The following EPS15 variants were observed in gnomAD, a reference collection of about 807,000 sequenced individuals.
The protein encoded by EPS15 is epidermal growth factor receptor pathway substrate 15.
Under a neutral mutation model 113.8 loss-of-function variants are expected in EPS15, and 72 were observed. That is an observed-to-expected ratio of 0.63 (90% CI 0.52 to 0.77). The LOEUF (loss-of-function observed/expected upper bound fraction) is 0.77. Ranked by LOEUF, EPS15 falls within the 30% of genes least tolerant of loss-of-function variation. The pLI is 0.00. For missense variants in EPS15, 1,048 were observed against 1,045.8 expected, an observed-to-expected ratio of 1.00 and a Z score of -0.03; for synonymous variants, 344 against 363.4, an observed-to-expected ratio of 0.95 and a Z score of 0.61.
chr1:51,385,818 T>G (rs551747407), intron 21 of EPS15, among the ~76,000 whole-genome samples: 2 of 152,276 alleles, frequency 1.3e-5, no homozygotes, highest in Non-Finnish European at 2.9e-5. Flanking sequence ...TGAATTTTTT[T>G]TATGATTCCA....
At chr1:51,370,707 G>A (rs1001166315) in intron 21 of EPS15, among the ~76,000 whole-genome samples, 4 of 149,732 alleles carry the variant, frequency 2.7e-5, no homozygotes, top group Non-Finnish European at 5.9e-5. Flanking sequence ...CGAAACCTCC[G>A]CCTCTTGGGT....
chr1:51,381,057 A>C (rs1646929213), intron 21 of EPS15, among the ~76,000 whole-genome samples: 1 of 152,220 alleles, frequency 6.6e-6, no homozygotes, highest in Non-Finnish European at 1.5e-5. Context: ...ACAGAACTGA[A>C]GGGAGAAACA....
intron 1 of EPS15, among the ~76,000 whole-genome samples, chr1:51,502,763 G>A (rs1272750743): frequency 6.6e-6 from 1 of 152,142 alleles, no homozygotes; most frequent in Non-Finnish European, 1.5e-5. Flanking sequence ...ACAGCACTTT[G>A]GGAGGCTAAG....
chr1:51,480,006 A>C (rs1197213425), intron 2 of EPS15, among the ~76,000 whole-genome samples: 1 of 152,222 alleles, frequency 6.6e-6, no homozygotes, highest in African/African-American at 2.4e-5. Context: ...AGAATTTCTA[A>C]GGTTTGGAGC....
chr1:51,513,781 CCT>C (rs1406442061), intron 1 of EPS15, among the ~76,000 whole-genome samples: 1 of 152,154 alleles, frequency 6.6e-6, no homozygotes, highest in African/African-American at 2.4e-5. Context: ...ATAAATTAGT[CCT>C]CTAACTGAAT....
At chr1:51,414,691 C>T (rs1460331418) in intron 13 of EPS15, among the ~76,000 whole-genome samples, 1 of 152,088 alleles carries the variant, frequency 6.6e-6, no homozygotes, top group Non-Finnish European at 1.5e-5. Flanking sequence ...CTTCATGTCT[C>T]TAATAATATC....
Position 51,468,474 on chromosome 1 carries a change from A to C in EPS15, c.308T>G (p.Phe103Cys), listed in dbSNP as rs1655008492. The C allele has an allele frequency of 6.3e-7, 1 of 1,593,402 alleles. No homozygotes were observed. The highest frequency in any genetic ancestry group is 1.1e-5 in the South Asian group (1 of 90,614). ...SLNLAVPPPR[F>C]HDTSSPLLIS... is the part of the protein sequence containing the mutation. ...TTTAAATCTAAAAGCATTTCTTACA[A>C]ATCTTGGTGGAGGAACAGCCAGGTT... The change falls in exon 5 of 25, where the codon TTT (phenylalanine) becomes TGT (cysteine). Residue 103 changes from phenylalanine to cysteine, a missense_variant and splice_region_variant. Physicochemically the swap from Phe to Cys is radical, Grantham distance 205. Transcript: ENST00000371733.
chr1:51,488,494 A>AAC (rs1402603344), intron 1 of EPS15, among the ~76,000 whole-genome samples: 4 of 151,454 alleles, frequency 2.6e-5, no homozygotes, highest in African/African-American at 9.7e-5. Context: ...AAAAAAAAAA[A>AAC]AACTCAGACT....
intron 1 of EPS15, among the ~76,000 whole-genome samples, chr1:51,510,333 T>C (rs551708848): frequency 6.6e-6 from 1 of 152,168 alleles, no homozygotes; most frequent in Non-Finnish European, 1.5e-5. Context: ...GCATAGCAAA[T>C]GTACTTGGAG....
chr1:51,391,501 T>C (rs961758195), intron 21 of EPS15, among the ~76,000 whole-genome samples: 18 of 140,888 alleles, frequency 1.3e-4, no homozygotes, highest in Non-Finnish European at 1.3e-4. Context: ...AATAAAAGAT[T>C]TGTCAGAGGT....
intron 11 of EPS15, among the ~76,000 whole-genome samples, chr1:51,443,573 A>G (rs1041339951): frequency 2.0e-5 from 3 of 152,126 alleles, no homozygotes; most frequent in Non-Finnish European, 2.9e-5. Flanking sequence ...AAAAACTTCT[A>G]TAAGTAACTC....
chr1:51,407,383 G>C (rs1649229451), intron 15 of EPS15, among the ~76,000 whole-genome samples: 4 of 151,902 alleles, frequency 2.6e-5, no homozygotes, highest in Admixed American at 2.6e-4. Context: ...CCTTTTAGTA[G>C]AAACAGAGTT....
intron 1 of EPS15, among the ~76,000 whole-genome samples, chr1:51,487,754 C>A (rs1165172490): frequency 6.6e-6 from 1 of 152,132 alleles, no homozygotes; most frequent in Non-Finnish European, 1.5e-5. Context: ...TATTAGCTCA[C>A]CAAAGTGTTC....
Position 51,465,294 on chromosome 1 carries a change from T to C in EPS15, c.342A>G (p.Gly114=), listed in dbSNP as rs1255447743. Residue 114 remains glycine, a synonymous_variant, in exon 6 of 25, where the codon GGA becomes GGG. Transcript: ENST00000371733. The part of the protein sequence containing the change: ...HDTSSPLLIS[G]TSAAELPWAV... ...CCCATGGGAGCTCAGCTGCAGAGGT[T>C]CCACTGATTAGCAAAGGACTACTGG... 6.2e-7 allele frequency: 1 copy of C among 1,611,328 alleles called. No individual in the cohort carries two copies. The highest frequency in any genetic ancestry group is 1.7e-5 in the Admixed American group (1 of 59,786).
chr1:51,431,698 C>T (rs555554882), intron 12 of EPS15, among the ~76,000 whole-genome samples: 76 of 152,236 alleles, frequency 5.0e-4, no homozygotes, highest in African/African-American at 1.7e-3. Flanking sequence ...CCTCCCACCT[C>T]GGCCTCCCAA....
chr1:51,493,767 A>G (rs910079368), intron 1 of EPS15, among the ~76,000 whole-genome samples: 1 of 151,128 alleles, frequency 6.6e-6, no homozygotes, highest in African/African-American at 2.4e-5. Context: ...TACAGGCGTC[A>G]CGCCTGGCTA....
At chr1:51,472,374 TA>T (rs1655304988) in intron 3 of EPS15, among the ~76,000 whole-genome samples, 2 of 152,234 alleles carry the variant, frequency 1.3e-5, no homozygotes, top group African/African-American at 4.8e-5. Flanking sequence ...TATTTGTGAA[TA>T]ATTAAATTAT....
intron 24 of EPS15, among the ~76,000 whole-genome samples, chr1:51,359,887 C>T (rs371911874): frequency 6.6e-6 from 1 of 151,880 alleles, no homozygotes; most frequent in South Asian, 2.1e-4. Context: ...GGAGCTCAGT[C>T]GTCTTAGTTG....
chr1:51,491,859 A>AT (rs1007233147), intron 1 of EPS15, among the ~76,000 whole-genome samples: 2,920 of 129,776 alleles, frequency 0.023, 79 homozygotes, highest in African/African-American at 0.056. Context: ...AACTCATTTA[A>AT]TTTTTTTTTT....
Sources: allele counts gnomAD v4.1 joint callset (sites outside exome capture counted in the v4.1 genomes callset), GRCh38; gene constraint gnomAD v4.1.1; transcripts MANE v1.5; gene names NCBI Gene and HGNC (gene_info 2026-07-23, HGNC 2026-07-21).